The following COL14A1 variants were observed in gnomAD, a reference collection of about 807,000 sequenced individuals.
The protein encoded by COL14A1 is collagen alpha-1(XIV) chain.
In COL14A1, 136 loss-of-function variants were observed where a neutral mutation model predicts 230.3. The ratio of observed to expected loss-of-function variants is 0.59; its 90% CI spans 0.51 to 0.68. COL14A1 has a LOEUF of 0.68. COL14A1 is among the 30% of genes least tolerant of loss of function. The probability of loss-of-function intolerance (pLI) is 0.00; values close to 1 mark genes in which losing one functional copy is unlikely to be tolerated. For synonymous variants in COL14A1, 792 were observed against 784.1 expected, an observed-to-expected ratio of 1.01 and a Z score of -0.17; for missense variants, 1,976 against 2,215.8, an observed-to-expected ratio of 0.89 and a Z score of 2.17.
chr8:120,127,106 C>T (rs1377520291), intron 1 of COL14A1, among the ~76,000 whole-genome samples: 5 of 152,150 alleles, frequency 3.3e-5, no homozygotes, highest in African/African-American at 9.7e-5. Flanking sequence ...CCTAACCTGC[C>T]GCCGTGTCTG....
At chr8:120,174,943 T>C (rs1816227800) in intron 5 of COL14A1, among the ~76,000 whole-genome samples, 1 of 152,140 alleles carries the variant, frequency 6.6e-6, no homozygotes, top group South Asian at 2.1e-4. Flanking sequence ...ATGCAACCCT[T>C]AGCATAAGCC....
chr8:120,334,640 C>T (rs926591425), intron 42 of COL14A1, among the ~76,000 whole-genome samples: 2 of 146,680 alleles, frequency 1.4e-5, no homozygotes, highest in Admixed American at 6.8e-5. Context: ...TCTTTCACTG[C>T]AAGCTTATCT....
chr8:120,135,718 CTT>C (rs562845712), intron 1 of COL14A1, among the ~76,000 whole-genome samples: 4 of 145,324 alleles, frequency 2.8e-5, no homozygotes, highest in Admixed American at 1.4e-4. Flanking sequence ...TAACAGAGTA[CTT>C]TTTTTTTTTT....
intron 5 of COL14A1, among the ~76,000 whole-genome samples, chr8:120,195,920 G>A (rs985154936): frequency 6.6e-5 from 10 of 152,172 alleles, no homozygotes; most frequent in African/African-American, 1.7e-4. Flanking sequence ...GTCTTGGCTC[G>A]GTGTGAATAG....
chr8:120,355,073 T>C (rs1450562849), intron 45 of COL14A1, among the ~76,000 whole-genome samples: 1 of 152,208 alleles, frequency 6.6e-6, no homozygotes, highest in African/African-American at 2.4e-5. Context: ...CACTGAACCG[T>C]GACAATCCAG....
intron 40 of COL14A1, among the ~76,000 whole-genome samples, chr8:120,329,129 T>C (rs979873223): frequency 2.8e-4 from 43 of 152,246 alleles, no homozygotes; most frequent in Admixed American, 1.3e-4. Context: ...TATATTATTA[T>C]AAACTTATAA....
chr8:120,158,175 G>A lies in COL14A1; in HGVS notation c.134G>A (p.Ser45Asn). The A allele has an allele frequency of 6.2e-7, 1 of 1,609,862 alleles. No homozygotes were observed. The highest frequency in any genetic ancestry group is 1.7e-4 in the Middle Eastern group (1 of 6,054). ...AGATATAATGTAATATCTCATGACAGTATACAGATTTCATGGAAGGCTCCA... is the reference window on the plus strand; with the variant it reads ...AGATATAATGTAATATCTCATGACAATATACAGATTTCATGGAAGGCTCCA... The part of the protein sequence containing the change: ...RLRYNVISHD[S>N]IQISWKAPRG... The change falls in exon 3 of 48, where the codon AGT becomes AAT. Residue 45 changes from serine (S) to asparagine (N), a missense_variant. Physicochemically the swap from Ser to Asn is conservative, Grantham distance 46 (BLOSUM62 1). Coordinates refer to ENST00000297848, the MANE Select transcript of COL14A1 (RefSeq NM_021110.4).
chr8:120,348,763 G>A (rs997749532), intron 45 of COL14A1, among the ~76,000 whole-genome samples: 1 of 152,040 alleles, frequency 6.6e-6, no homozygotes, highest in Non-Finnish European at 1.5e-5. Flanking sequence ...TTCTATTCTA[G>A]TTTTTCAAAC....
At chr8:120,211,584 A>T (rs888711373) in intron 12 of COL14A1, among the ~76,000 whole-genome samples, 1 of 152,192 alleles carries the variant, frequency 6.6e-6, no homozygotes, top group Non-Finnish European at 1.5e-5. Flanking sequence ...TTAGTTTTTT[A>T]AAAAATAAAA....
rs143605456 is a variant in COL14A1, at chr8:120,252,066, C to A, written c.2752+1300C>A. Among the ~76,000 whole-genome samples, 205 of 151,860 alleles carry A rather than the reference C, an allele frequency of 1.3e-3. 1 individual carries two copies. The highest frequency in any genetic ancestry group is 4.8e-3 in the African/African-American group (197 of 41,396). On this transcript the variant is annotated intron_variant, in intron 22 of 47. Coordinates refer to ENST00000297848, the MANE Select transcript of COL14A1 (RefSeq NM_021110.4). The stretch of plus-strand genomic sequence containing the variant: ...ATATTCAAGGTGTAGATACATAGAT[C>A]TGCAATCTTCAATGTGATGATTTAT...
chr8:120,227,573 T>C (rs1450432386), intron 17 of COL14A1, among the ~76,000 whole-genome samples: 2 of 152,334 alleles, frequency 1.3e-5, no homozygotes, highest in African/African-American at 4.8e-5. Context: ...CATATCTGTG[T>C]TGCTCACCAT....
intron 2 of COL14A1, among the ~76,000 whole-genome samples, chr8:120,157,364 G>A (rs1815514042): frequency 6.6e-6 from 1 of 152,000 alleles, no homozygotes; most frequent in Non-Finnish European, 1.5e-5. Flanking sequence ...ATCCGTAATA[G>A]CCCTCTCAAA....
At chr8:120,200,593 A>T (rs953574614) in intron 8 of COL14A1, among the ~76,000 whole-genome samples, 3 of 150,848 alleles carry the variant, frequency 2.0e-5, no homozygotes, top group Non-Finnish European at 4.4e-5. Flanking sequence ...AACCATACCC[A>T]GTTCTGTACC....
At chr8:120,344,080 A>G (rs1822411965) in intron 44 of COL14A1, among the ~76,000 whole-genome samples, 1 of 152,206 alleles carries the variant, frequency 6.6e-6, no homozygotes, top group Non-Finnish European at 1.5e-5. Flanking sequence ...TCTAGGAAGT[A>G]GAAGTCATCA....
At chr8:120,132,793 G>C (rs566817003) in intron 1 of COL14A1, among the ~76,000 whole-genome samples, 38 of 152,038 alleles carry the variant, frequency 2.5e-4, no homozygotes, top group Non-Finnish European at 5.0e-4. Flanking sequence ...CAGGAATTAT[G>C]AATAAAACAT....
In COL14A1 at chr8:120,368,630, G is replaced by A. The variant is rs535332449; in HGVS notation, c.5156-700G>A. Among the ~76,000 whole-genome samples, 261 of 148,730 alleles carry A rather than the reference G, an allele frequency of 1.8e-3. 1 individual carries two copies. The highest frequency in any genetic ancestry group is 3.0e-3 in the Non-Finnish European group (205 of 67,394). Reference sequence around the variant, plus strand: ...CCAAAAAAAAAAAAAAAAACATGCTGACAAATTTCTTCAATTCACAACAGT... The same window carrying A: ...CCAAAAAAAAAAAAAAAAACATGCTAACAAATTTCTTCAATTCACAACAGT... On this transcript the variant is annotated intron_variant, in intron 46 of 47. Coordinates refer to ENST00000297848, the MANE Select transcript of COL14A1 (RefSeq NM_021110.4).
chr8:120,139,943 T>A (rs1675433648), intron 1 of COL14A1, among the ~76,000 whole-genome samples: 1 of 152,026 alleles, frequency 6.6e-6, no homozygotes, highest in African/African-American at 2.4e-5. Context: ...CAGGAGGATC[T>A]CTTGAGTCTA....
At chr8:120,347,466 T>C (rs1345664936) in intron 45 of COL14A1, among the ~76,000 whole-genome samples, 1 of 152,126 alleles carries the variant, frequency 6.6e-6, no homozygotes, top group Non-Finnish European at 1.5e-5. Flanking sequence ...ATGACTGTTA[T>C]AGGTCAGGGC....
chr8:120,262,443 G>A (rs1819365508), intron 23 of COL14A1, among the ~76,000 whole-genome samples: 1 of 152,002 alleles, frequency 6.6e-6, no homozygotes, highest in Non-Finnish European at 1.5e-5. Context: ...TTGCACTCCA[G>A]CCTGGATGAC....
Sources: allele counts gnomAD v4.1 joint callset (sites outside exome capture counted in the v4.1 genomes callset), GRCh38; gene constraint gnomAD v4.1.1; transcripts MANE v1.5; gene names NCBI Gene and HGNC (gene_info 2026-07-23, HGNC 2026-07-21).